DSC2: variants seen among roughly 807,000 people sequenced by gnomAD.
The protein encoded by DSC2 is desmocollin 2.
DSC2 carries 51 observed loss-of-function variants against 87.6 expected under a neutral mutation model. The ratio of observed to expected loss-of-function variants is 0.58; its 90% CI spans 0.46 to 0.74. The LOEUF (loss-of-function observed/expected upper bound fraction) is 0.74, where lower values mean the gene tolerates loss of function less well. Ranked by LOEUF, DSC2 falls within the 30% of genes least tolerant of loss-of-function variation. The pLI, the probability that DSC2 is intolerant of heterozygous loss-of-function variation, is 0.00. For missense variants in DSC2, 1,066 were observed against 1,089.5 expected (o/e 0.98, Z 0.30); for synonymous variants, 383 against 393.2 (o/e 0.97, Z 0.31).
Position 31,064,670 on chromosome 18 carries a change from A to G in DSC2, c.*3345T>C, listed in dbSNP as rs906543209. Reference sequence around the variant, plus strand: ...ACAGGGGGCTCGCAGGGGAGCTGATATAAGAGCTGTAGGTTTATACGGATA... The same window carrying G: ...ACAGGGGGCTCGCAGGGGAGCTGATGTAAGAGCTGTAGGTTTATACGGATA... On this transcript the variant is annotated 3_prime_UTR_variant, in exon 16 of 16. Transcript: ENST00000280904. 6.6e-6 allele frequency: 1 copy of G among 152,188 alleles called. No individual in the cohort carries two copies. The highest frequency in any genetic ancestry group is 1.5e-5 in the Non-Finnish European group (1 of 68,058). 9.4% of individuals were successfully genotyped at this position (152,188 alleles called of 1,614,324 possible). A position where few individuals can be genotyped will look rare whatever the true frequency, so the allele number is the denominator to read the frequency against.
chr18:31,089,454 C>A lies in DSC2; in HGVS notation c.615G>T (p.Gln205His). Residue 205 changes from glutamine to histidine, a missense_variant, in exon 5 of 16, where the codon CAG (glutamine) becomes CAT (histidine). Transcript: ENST00000280904. ...TAGACTTTACCTCAAAAGATTCATA[C>A]TGCTCACGATCTACAGGACGAGTAC... Reference protein sequence around the residue: ...LYCTRPVDREQYESFEIIAFA... With the variant: ...LYCTRPVDREHYESFEIIAFA... The A allele has an allele frequency of 6.2e-7, 1 of 1,613,822 alleles. No homozygotes were observed. Among genetic ancestry groups the A allele is most frequent in the Non-Finnish European group, 8.5e-7 (1 of 1,179,862 alleles).
intron 1 of DSC2, among the ~76,000 whole-genome samples, chr18:31,098,481 G>A (rs1361976715): frequency 1.3e-5 from 2 of 151,858 alleles, no homozygotes; most frequent in Non-Finnish European, 2.9e-5. Context: ...TTCTAACAGA[G>A]TCTTGCTCTG....
chr18:31,085,576 T>C (rs1987369669), intron 7 of DSC2, among the ~76,000 whole-genome samples: 1 of 151,836 alleles, frequency 6.6e-6, no homozygotes, highest in African/African-American at 2.4e-5. Flanking sequence ...TTTTCAACAA[T>C]ATTTAACACT....
rs1282286968 is a variant in DSC2, at chr18:31,080,076, T to G, written c.1520+20A>C. On this transcript the variant is annotated intron_variant, in intron 10 of 15. Transcript: ENST00000280904. ...CAAAATAAGCTATATATTTTAAAAC[T>G]AAAATAGAATGGTAAGTACCTTATG... is the stretch of plus-strand genomic sequence containing the variant. The G allele has an allele frequency of 2.5e-6, 4 of 1,613,532 alleles. No individual in the cohort carries two copies.
At chr18:31,085,406 C>T (rs1053525825) in intron 7 of DSC2, among the ~76,000 whole-genome samples, 18 of 151,792 alleles carry the variant, frequency 1.2e-4, no homozygotes, top group Non-Finnish European at 2.5e-4. Context: ...AAAAGTGTAA[C>T]AATTTTTACT....
At chr18:31,096,332 C>T (rs1211515418) in intron 1 of DSC2, among the ~76,000 whole-genome samples, 1 of 152,152 alleles carries the variant, frequency 6.6e-6, no homozygotes, top group East Asian at 1.9e-4. Flanking sequence ...CTGGAACACA[C>T]AGTGATAAGA....
intron 6 of DSC2, 63 bp downstream of exon 6, chr18:31,087,606 G>A: frequency 6.4e-7 from 1 of 1,556,368 alleles, no homozygotes; most frequent in Non-Finnish European, 8.8e-7. Flanking sequence ...CGGACATAGT[G>A]AAACTAAATG....
chr18:31,091,826 CA>C lies in DSC2; in HGVS notation c.354+274del, dbSNP rs138357583. 1.4e-3 allele frequency among the ~76,000 whole-genome samples: 202 copies of C among 148,360 alleles called. 3 individuals carry two copies. The highest frequency in any genetic ancestry group is 2.0e-4 in the East Asian group (1 of 5,106). ...TAGAAATCCATTCTACGGTAAAGCT[CA>C]AAAAAAAAATGCTGCTTTGTGTCTA... On this transcript the variant is annotated intron_variant, in intron 3 of 15. Coordinates refer to ENST00000280904, the MANE Select transcript of DSC2 (RefSeq NM_024422.6).
At chr18:31,083,191 G>C in intron 7 of DSC2, 131 bp from the exon 8 acceptor site, 1 of 1,038,206 alleles carries the variant, frequency 9.6e-7, no homozygotes, top group Non-Finnish European at 1.4e-6. Flanking sequence ...CAGCATTCGT[G>C]TATTAGAAGA....
chr18:31,080,726 C>T (rs947647649), intron 9 of DSC2, among the ~76,000 whole-genome samples: 3 of 152,168 alleles, frequency 2.0e-5, no homozygotes, highest in Non-Finnish European at 4.4e-5. Context: ...CTTTGCCTTC[C>T]GCCATGATTA....
rs1195431739 is a variant in DSC2 at position 31,060,020 on chromosome 18, C to T, written c.*7995G>A. 1 of 152,106 alleles carries T rather than the reference C, an allele frequency of 6.6e-6. No individual in the cohort carries two copies. Among genetic ancestry groups the T allele is most frequent in the African/African-American group, 2.4e-5 (1 of 41,422 alleles). The allele number at this position is 152,106 out of a possible 1,614,324, so 9.4% of individuals were successfully genotyped here. A position where few individuals can be genotyped will look rare whatever the true frequency, so the allele number is the denominator to read the frequency against. On this transcript the variant is annotated 3_prime_UTR_variant, in exon 16 of 16. Transcript: ENST00000280904. ...CCAAGGTAACACAGCAAGAACAAAG[C>T]TGAGATTTGGATCCACGTCTTTCTG...
In DSC2 at chr18:31,089,550, T is replaced by C. The variant is rs1301033350; in HGVS notation, c.519A>G (p.Ile173Met). The C allele has an allele frequency of 6.2e-7, 1 of 1,614,020 alleles. No individual in the cohort carries two copies. The highest frequency in any genetic ancestry group is 1.1e-5 in the South Asian group (1 of 91,084). ...TAQNYTIYYS[I>M]RGPGVDQEPR... is the part of the protein sequence containing the mutation. ...GTTCTTGGTCAACTCCAGGACCTCTTATGGAATAGTATATGGTATAGTTTT... is the reference window on the plus strand; with the variant it reads ...GTTCTTGGTCAACTCCAGGACCTCTCATGGAATAGTATATGGTATAGTTTT... The change falls in exon 5 of 16, where the codon ATA (isoleucine) becomes ATG (methionine). Residue 173 changes from isoleucine (I) to methionine (M), a missense_variant. By Grantham distance (10) the Ile-to-Met change is conservative. Transcript: ENST00000280904.
At chr18:31,083,231 TTTTC>T (rs1364521336) in intron 7 of DSC2, among the ~76,000 whole-genome samples, 171 bp from the exon 8 acceptor site, 1 of 152,248 alleles carries the variant, frequency 6.6e-6, no homozygotes, top group South Asian at 2.1e-4. Flanking sequence ...TTTTCTTTTC[TTTTC>T]TTTCTTTTTC....
chr18:31,079,242 T>C (rs1402266358), intron 11 of DSC2, among the ~76,000 whole-genome samples: 1 of 152,058 alleles, frequency 6.6e-6, no homozygotes, highest in Non-Finnish European at 1.5e-5. Flanking sequence ...GTTTTTGTTT[T>C]TGTTTTGTTT....
At chr18:31,074,151 T>C (rs1172287219) in intron 12 of DSC2, among the ~76,000 whole-genome samples, 5 of 152,170 alleles carry the variant, frequency 3.3e-5, no homozygotes, top group Admixed American at 2.6e-4. Flanking sequence ...AGGTTGTCAT[T>C]TGGCTTGTGC....
chr18:31,069,029 G>GT lies in DSC2; in HGVS notation c.2372dup (p.His791GlnfsTer46). 6.2e-7 allele frequency: 1 copy of GT among 1,614,070 alleles called. No individual in the cohort carries two copies. The highest frequency in any genetic ancestry group is 1.3e-5 in the African/African-American group (1 of 75,028). ...CCCCCCGGCAGGATTCCGAGGTCTG[G>GT]TGTCCTCCTTTCACCATTTCGATGG... On this transcript the variant is annotated frameshift_variant, in exon 15 of 16. Coordinates refer to ENST00000280904, the MANE Select transcript of DSC2 (RefSeq NM_024422.6). LOFTEE classifies it high-confidence loss of function.
chr18:31,065,745 G>GC lies in DSC2; in HGVS notation c.*2269dup, dbSNP rs1385587414. 1.3e-5 allele frequency: 2 copies of GC among 152,156 alleles called. No individual in the cohort carries two copies. Among genetic ancestry groups the GC allele is most frequent in the South Asian group, 2.1e-4 (1 of 4,832 alleles). The allele number at this position is 152,156 out of a possible 1,614,324, so 9.4% of individuals were successfully genotyped here. On this transcript the variant is annotated 3_prime_UTR_variant, in exon 16 of 16. Coordinates refer to ENST00000280904, the MANE Select transcript of DSC2 (RefSeq NM_024422.6). The stretch of plus-strand genomic sequence containing the variant: ...GCCCATTTTAAGAAGCAGATGTTCT[G>GC]CTTTTCATCCAATTTGAACCTTACA...
At chr18:31,101,770 ATT>A in intron 1 of DSC2, 131 bp downstream of exon 1, 1 of 325,604 alleles carries the variant, frequency 3.1e-6, no homozygotes. Context: ...CGCCAACTCC[ATT>A]TTCTAGCCAC....
chr18:31,075,883 G>GA (rs745508658), intron 11 of DSC2, among the ~76,000 whole-genome samples: 3 of 151,624 alleles, frequency 2.0e-5, no homozygotes, highest in Non-Finnish European at 4.4e-5. Context: ...GAAAAGAAAA[G>GA]AAAGAAAGAA....
Sources: allele counts gnomAD v4.1 joint callset (sites outside exome capture counted in the v4.1 genomes callset), GRCh38; gene constraint gnomAD v4.1.1; transcripts MANE v1.5; gene names NCBI Gene and HGNC (gene_info 2026-07-23, HGNC 2026-07-21).